The following TESK2 variants were observed in gnomAD, a reference collection of about 807,000 sequenced individuals.
TESK2 encodes the protein dual specificity testis-specific protein kinase 2.
Under a neutral mutation model 57.1 loss-of-function variants are expected in TESK2, and 39 were observed. The observed-to-expected ratio is 0.68, with a 90% CI of 0.53 to 0.89. The LOEUF is 0.89. Ranked by LOEUF, TESK2 falls within the 40% of genes least tolerant of loss-of-function variation. The probability of loss-of-function intolerance (pLI) is 0.00; values close to 1 mark genes in which losing one functional copy is unlikely to be tolerated. For synonymous variants in TESK2, 249 were observed against 267.9 expected, an observed-to-expected ratio of 0.93 and a Z score of 0.69; for missense variants, 646 against 732.1, an observed-to-expected ratio of 0.88 and a Z score of 1.36.
At chr1:45,441,219 G>A (rs914174873) in intron 2 of TESK2, among the ~76,000 whole-genome samples, 1 of 152,186 alleles carries the variant, frequency 6.6e-6, no homozygotes, top group Non-Finnish European at 1.5e-5. Flanking sequence ...CGCCCAGGCT[G>A]GAGTGCAATG....
At chr1:45,375,363 T>C (rs868064005) in intron 4 of TESK2, among the ~76,000 whole-genome samples, 1 of 151,508 alleles carries the variant, frequency 6.6e-6, no homozygotes, top group Non-Finnish European at 1.5e-5. Context: ...TCCACGCCTT[T>C]GCATATACTA....
intron 4 of TESK2, among the ~76,000 whole-genome samples, chr1:45,361,636 TA>T (rs1322322164): frequency 6.6e-6 from 1 of 152,244 alleles, no homozygotes; most frequent in Non-Finnish European, 1.5e-5. Flanking sequence ...AATAACTTTC[TA>T]AAGTGTATTG....
chr1:45,456,162 C>T (rs1652078733), intron 2 of TESK2, among the ~76,000 whole-genome samples: 1 of 151,788 alleles, frequency 6.6e-6, no homozygotes, highest in South Asian at 2.1e-4. Flanking sequence ...CCACACTGCA[C>T]TCTAGCCTGG....
chr1:45,401,970 T>C (rs2149280480), intron 3 of TESK2, among the ~76,000 whole-genome samples: 1 of 151,870 alleles, frequency 6.6e-6, no homozygotes, highest in South Asian at 2.1e-4. Flanking sequence ...TAACAACAAT[T>C]AAGAGGCCTA....
At chr1:45,414,988 T>C in intron 3 of TESK2, 3 of 713,002 alleles carry the variant, frequency 4.2e-6, no homozygotes, top group Non-Finnish European at 7.2e-6. Flanking sequence ...TTGTGGACAC[T>C]GCTGCCACCG....
At chr1:45,430,263 G>A (rs1650896641) in intron 2 of TESK2, among the ~76,000 whole-genome samples, 1 of 152,116 alleles carries the variant, frequency 6.6e-6, no homozygotes, top group Non-Finnish European at 1.5e-5. Context: ...GCTGAGGCAG[G>A]TAGGCTGCTT....
intron 1 of TESK2, among the ~76,000 whole-genome samples, chr1:45,466,519 T>G (rs1027659806): frequency 3.3e-5 from 5 of 151,758 alleles, no homozygotes; most frequent in Admixed American, 6.6e-5. Context: ...CATGGTGGCA[T>G]GCGCCTGTAG....
At chr1:45,410,982 T>C (rs1650020103) in intron 3 of TESK2, among the ~76,000 whole-genome samples, 2 of 152,154 alleles carry the variant, frequency 1.3e-5, no homozygotes, top group Admixed American at 6.5e-5. Context: ...GCAAGGATGA[T>C]AATAGCCCTT....
At chr1:45,454,338 C>T (rs1394594048) in intron 2 of TESK2, among the ~76,000 whole-genome samples, 2 of 151,888 alleles carry the variant, frequency 1.3e-5, no homozygotes, top group Admixed American at 1.3e-4. Context: ...GGAGGCACAA[C>T]CATGTGTACA....
intron 4 of TESK2, among the ~76,000 whole-genome samples, chr1:45,361,015 C>G (rs186833275): frequency 1.3e-5 from 2 of 152,202 alleles, no homozygotes; most frequent in Admixed American, 1.3e-4. Flanking sequence ...ACAGGGTTTT[C>G]CCATGTTGGC....
chr1:45,468,010 T>C (rs1050466088), intron 1 of TESK2, among the ~76,000 whole-genome samples: 1 of 151,680 alleles, frequency 6.6e-6, no homozygotes, highest in Non-Finnish European at 1.5e-5. Context: ...TCCCCGTCTC[T>C]ACAAAAAATA....
intron 4 of TESK2, among the ~76,000 whole-genome samples, chr1:45,379,337 A>G (rs756041584): frequency 6.6e-6 from 1 of 152,028 alleles, no homozygotes; most frequent in Non-Finnish European, 1.5e-5. Flanking sequence ...TAATTTTTAA[A>G]TTTTTTTGTA....
intron 2 of TESK2, among the ~76,000 whole-genome samples, chr1:45,430,873 A>G (rs1650922655): frequency 6.6e-6 from 1 of 152,198 alleles, no homozygotes; most frequent in African/African-American, 2.4e-5. Flanking sequence ...TTATATTTGT[A>G]GTTAGCGTAA....
At chr1:45,490,194 C>T (rs190483651) in intron 1 of TESK2, among the ~76,000 whole-genome samples, 2 of 152,312 alleles carry the variant, frequency 1.3e-5, no homozygotes, top group Non-Finnish European at 2.9e-5. Flanking sequence ...ATGCATGCAG[C>T]ATGAAGTCCA....
intron 2 of TESK2, among the ~76,000 whole-genome samples, chr1:45,429,330 AG>A (rs1232839268): frequency 1.3e-5 from 2 of 151,984 alleles, no homozygotes; most frequent in Non-Finnish European, 2.9e-5. Context: ...CGAGAGGCAG[AG>A]GTTGCAGTGA....
chr1:45,479,948 G>T (rs550907754), intron 1 of TESK2, among the ~76,000 whole-genome samples: 8 of 148,822 alleles, frequency 5.4e-5, no homozygotes, highest in Non-Finnish European at 8.9e-5. Context: ...TCAGCCTCCC[G>T]AGTAGCTGGA....
At chr1:45,470,279 G>C (rs1448704853) in intron 1 of TESK2, among the ~76,000 whole-genome samples, 1 of 152,192 alleles carries the variant, frequency 6.6e-6, no homozygotes, top group Admixed American at 6.5e-5. Flanking sequence ...CATTAGCTGT[G>C]TATCAATACC....
chr1:45,485,294 TCTC>T (rs1425774261), intron 1 of TESK2, among the ~76,000 whole-genome samples: 5 of 150,536 alleles, frequency 3.3e-5, no homozygotes, highest in Admixed American at 2.0e-4. Context: ...TTCACGCCCT[TCTC>T]CTGCCTCCGC....
chr1:45,446,497 A>C (rs748091743), intron 2 of TESK2, among the ~76,000 whole-genome samples: 12 of 152,044 alleles, frequency 7.9e-5, no homozygotes, highest in Non-Finnish European at 1.5e-4. Flanking sequence ...AAAAAGAGGA[A>C]ACATTAAAGC....
Sources: gnomAD v4.1 joint callset for allele counts (sites outside exome capture counted in the v4.1 genomes callset) on GRCh38, gnomAD v4.1.1 for gene constraint, MANE v1.5 for transcripts, NCBI Gene and HGNC (gene_info 2026-07-23, HGNC 2026-07-21) for gene names.